Variants in WDR49 observed in about 807,000 individuals in gnomAD.
The protein encoded by WDR49 is WD repeat domain 49.
Under a neutral mutation model 119.5 loss-of-function variants are expected in WDR49, and 107 were observed. That is an observed-to-expected ratio of 0.90 (90% CI 0.77 to 1.05). The LOEUF (loss-of-function observed/expected upper bound fraction) is 1.05. WDR49 is among the 50% of genes least tolerant of loss of function. The pLI, the probability that WDR49 is intolerant of heterozygous loss-of-function variation, is 0.00. For synonymous variants in WDR49, 425 were observed against 418.8 expected, an observed-to-expected ratio of 1.01 and a Z score of -0.18; for missense variants, 1,240 against 1,220.5, an observed-to-expected ratio of 1.02 and a Z score of -0.24.
At chr3:167,618,512 GATT>G (rs1466916261) in intron 5 of WDR49, among the ~76,000 whole-genome samples, 1 of 152,204 alleles carries the variant, frequency 6.6e-6, no homozygotes, top group Admixed American at 6.5e-5. Flanking sequence ...TTATCTGCTT[GATT>G]ATAATGAATT....
In WDR49 at chr3:167,519,353, C is replaced by T. The variant is rs117344078; in HGVS notation, c.2774+2962G>A. ...ACAAGCACACATACGTTCATTACAG[C>T]ACTATTCACAATAGCCAATAAATGG... On this transcript the variant is annotated intron_variant, in intron 16 of 18. Coordinates refer to ENST00000682715, the MANE Select transcript of WDR49 (RefSeq NM_001366157.1). Among the ~76,000 whole-genome samples, 313 of 152,264 alleles carry T rather than the reference C, an allele frequency of 2.1e-3. 8 individuals carry two copies. In the East Asian group the frequency reaches 0.055, roughly 27 times the overall value.
At chr3:167,602,329 G>C (rs1715817416) in intron 6 of WDR49, 54 bp from the exon 7 acceptor site, 1 of 1,428,100 alleles carries the variant, frequency 7.0e-7, no homozygotes, top group Non-Finnish European at 9.4e-7. Flanking sequence ...ATAGCCCACA[G>C]CATTTTCTTT....
intron 7 of WDR49, among the ~76,000 whole-genome samples, chr3:167,578,167 C>T (rs1714346008): frequency 6.6e-6 from 1 of 152,104 alleles, no homozygotes; most frequent in Admixed American, 6.6e-5. Flanking sequence ...GTTTTCAGAT[C>T]TCACTACCAC....
At chr3:167,505,641 G>T (rs993029633) in intron 16 of WDR49, among the ~76,000 whole-genome samples, 1 of 152,188 alleles carries the variant, frequency 6.6e-6, no homozygotes, top group Admixed American at 6.5e-5. Context: ...GAGTGTCCAA[G>T]AGTCTAATTA....
At chr3:167,587,218 A>G (rs1714864139) in intron 7 of WDR49, among the ~76,000 whole-genome samples, 1 of 152,192 alleles carries the variant, frequency 6.6e-6, no homozygotes, top group Admixed American at 6.6e-5. Flanking sequence ...AATACAATAT[A>G]CATATACAAT....
At chr3:167,490,342 T>C (rs1426374839) in intron 18 of WDR49, among the ~76,000 whole-genome samples, 1 of 152,122 alleles carries the variant, frequency 6.6e-6, no homozygotes, top group East Asian at 1.9e-4. Context: ...TTTAGTGTTA[T>C]GTAAATAAAA....
At chr3:167,490,976 CA>C in intron 18 of WDR49, among the ~76,000 whole-genome samples, 1 of 151,954 alleles carries the variant, frequency 6.6e-6, no homozygotes, top group East Asian at 1.9e-4. Flanking sequence ...TTAACATTTT[CA>C]GTTTTTCTCC....
intron 5 of WDR49, among the ~76,000 whole-genome samples, chr3:167,612,433 G>A (rs575666359): frequency 2.0e-5 from 3 of 149,000 alleles, no homozygotes; most frequent in African/African-American, 7.3e-5. Context: ...AGAAAAGCAA[G>A]AATAAAACAA....
At chr3:167,536,325 T>C (rs1299564729) in intron 11 of WDR49, among the ~76,000 whole-genome samples, 1 of 152,126 alleles carries the variant, frequency 6.6e-6, no homozygotes, top group Non-Finnish European at 1.5e-5. Context: ...TATTGAAACA[T>C]CATGTTGTGC....
At chr3:167,605,059 T>C (rs983013213) in intron 5 of WDR49, among the ~76,000 whole-genome samples, 18 of 150,986 alleles carry the variant, frequency 1.2e-4, no homozygotes, top group African/African-American at 4.2e-4. Context: ...CATATACATA[T>C]GGCGTATATA....
At chr3:167,504,064 G>A (rs977911377) in intron 17 of WDR49, among the ~76,000 whole-genome samples, 4 of 152,158 alleles carry the variant, frequency 2.6e-5, no homozygotes, top group Non-Finnish European at 4.4e-5. Flanking sequence ...ATTGTTAGTC[G>A]GCCTAGGAAA....
At position 167,532,859 on chromosome 3, in the gene WDR49, C is replaced by T. The variant is rs759061948; in HGVS notation, c.2053+20G>A. ...GTGATTTGACTAGCCATGTTATTTTCGTTTCAAACTCACACTTACCTAATT... is the reference window on the plus strand; with the variant it reads ...GTGATTTGACTAGCCATGTTATTTTTGTTTCAAACTCACACTTACCTAATT... On this transcript the variant is annotated intron_variant, in intron 12 of 18. Coordinates refer to ENST00000682715, the MANE Select transcript of WDR49 (RefSeq NM_001366157.1). 3.2e-5 allele frequency: 50 copies of T among 1,582,062 alleles called. No homozygotes were observed. Among genetic ancestry groups the T allele is most frequent in the Non-Finnish European group, 3.7e-5 (43 of 1,155,540 alleles).
chr3:167,580,799 C>A (rs1429771789), intron 7 of WDR49, among the ~76,000 whole-genome samples: 1 of 152,034 alleles, frequency 6.6e-6, no homozygotes, highest in East Asian at 1.9e-4. Flanking sequence ...AAGTTGACTT[C>A]TGGAATAGAA....
At chr3:167,599,550 C>A (rs191843971) in intron 7 of WDR49, among the ~76,000 whole-genome samples, 3 of 152,318 alleles carry the variant, frequency 2.0e-5, no homozygotes, top group Non-Finnish European at 4.4e-5. Context: ...GAATCATGGA[C>A]CCGCTTGGTG....
chr3:167,633,338 T>C (rs1034667724), intron 2 of WDR49: 1 of 413,112 alleles, frequency 2.4e-6, no homozygotes, highest in South Asian at 1.8e-5. Flanking sequence ...ATTCAAACTG[T>C]TTCAGCTGCT....
intron 16 of WDR49, among the ~76,000 whole-genome samples, chr3:167,507,315 C>T (rs1560256743): frequency 6.6e-6 from 1 of 152,068 alleles, no homozygotes; most frequent in East Asian, 1.9e-4. Flanking sequence ...CATCCCTCTC[C>T]ATAAGCCATC....
chr3:167,554,749 T>C lies in WDR49; in HGVS notation c.1724A>G (p.Asp575Gly). The change falls in exon 10 of 19, where the codon GAT becomes GGT. Residue 575 changes from aspartate to glycine, a missense_variant. Coordinates refer to ENST00000682715, the MANE Select transcript of WDR49 (RefSeq NM_001366157.1). ...GATTTGTGAAATATCCACAGCTCCA[T>C]CTTGCCCAACATTTAGTGTATGGTG... The part of the protein sequence containing the change: ...YCHHTLNVGQ[D>G]GAVDISQILI... The C allele has an allele frequency of 1.2e-6, 2 of 1,613,580 alleles. No homozygotes were observed. The highest frequency in any genetic ancestry group is 1.1e-5 in the South Asian group (1 of 90,972).
chr3:167,501,843 AT>A (rs1386455551), intron 17 of WDR49, among the ~76,000 whole-genome samples: 10 of 152,148 alleles, frequency 6.6e-5, no homozygotes, highest in Admixed American at 5.2e-4. Context: ...AATAGTTTTT[AT>A]TCATCTTCAT....
chr3:167,510,137 C>G (rs1409357418), intron 16 of WDR49, among the ~76,000 whole-genome samples: 1 of 152,180 alleles, frequency 6.6e-6, no homozygotes, highest in African/African-American at 2.4e-5. Context: ...ATAATCCCAG[C>G]ACTTTGGGAG....
Sources: gnomAD v4.1 joint callset for allele counts (sites outside exome capture counted in the v4.1 genomes callset) on GRCh38, gnomAD v4.1.1 for gene constraint, MANE v1.5 for transcripts, NCBI Gene and HGNC (gene_info 2026-07-23, HGNC 2026-07-21) for gene names.